The following LPAR1 variants were observed in gnomAD, a reference collection of about 807,000 sequenced individuals.
LPAR1 encodes LPA receptor 1.
LPAR1 carries 5 observed loss-of-function variants against 23.8 expected under a neutral mutation model. The observed-to-expected ratio is 0.21, with a 90% CI of 0.11 to 0.44. The LOEUF (loss-of-function observed/expected upper bound fraction) is 0.44. Ranked by LOEUF, LPAR1 falls within the 20% of genes least tolerant of loss-of-function variation. LPAR1 has a pLI of 0.99. For synonymous variants in LPAR1, 160 were observed against 164.7 expected (o/e 0.97, Z 0.22); for missense variants, 311 against 482.8 (o/e 0.64, Z 3.33).
intron 2 of LPAR1, among the ~76,000 whole-genome samples, chr9:110,982,562 A>C (rs1268407017): frequency 6.6e-6 from 1 of 152,110 alleles, no homozygotes; most frequent in Non-Finnish European, 1.5e-5. Flanking sequence ...CCAACATGGC[A>C]CATGTATACT....
intron 5 of LPAR1, among the ~76,000 whole-genome samples, chr9:110,890,838 GC>G (rs750594479): frequency 4.6e-5 from 7 of 152,128 alleles, no homozygotes; most frequent in Non-Finnish European, 1.0e-4. Context: ...CCAATGACTT[GC>G]CTGGTAAAAT....
intron 4 of LPAR1, among the ~76,000 whole-genome samples, chr9:110,949,759 T>C (rs975470762): frequency 1.3e-5 from 2 of 152,204 alleles, no homozygotes; most frequent in African/African-American, 4.8e-5. Context: ...AAATCAAATA[T>C]GTATCTTCAA....
At chr9:110,923,145 A>T (rs566128867) in intron 5 of LPAR1, among the ~76,000 whole-genome samples, 1 of 152,268 alleles carries the variant, frequency 6.6e-6, no homozygotes, top group African/African-American at 2.4e-5. Flanking sequence ...TGCTCAAGAC[A>T]TAATAAAGAT....
At chr9:111,027,963 G>A (rs1249592422) in intron 2 of LPAR1, among the ~76,000 whole-genome samples, 1 of 148,680 alleles carries the variant, frequency 6.7e-6, no homozygotes, top group Non-Finnish European at 1.5e-5. Flanking sequence ...TGTTTAATCA[G>A]TCACACACAC....
At chr9:111,015,334 C>T (rs1271596881) in intron 2 of LPAR1, among the ~76,000 whole-genome samples, 1 of 152,166 alleles carries the variant, frequency 6.6e-6, no homozygotes, top group Non-Finnish European at 1.5e-5. Flanking sequence ...CCCTCACCCA[C>T]CATATCTATT....
At chr9:110,948,635 G>A (rs1199655815) in intron 4 of LPAR1, among the ~76,000 whole-genome samples, 2 of 152,144 alleles carry the variant, frequency 1.3e-5, no homozygotes, top group African/African-American at 4.8e-5. Flanking sequence ...TCAGTCCTAA[G>A]AGGAAGGAAT....
intron 5 of LPAR1, among the ~76,000 whole-genome samples, chr9:110,939,396 A>G (rs532029028): frequency 2.0e-5 from 3 of 152,178 alleles, no homozygotes; most frequent in Non-Finnish European, 2.9e-5. Context: ...ACCTTCACCT[A>G]TCACCGTGAC....
intron 2 of LPAR1, among the ~76,000 whole-genome samples, chr9:111,004,226 CTTG>C (rs1453268278): frequency 6.6e-6 from 1 of 152,144 alleles, no homozygotes; most frequent in African/African-American, 2.4e-5. Context: ...TTGGCCACAT[CTTG>C]TTTTGCACTG....
chr9:111,026,049 T>C (rs1009191714), intron 2 of LPAR1, among the ~76,000 whole-genome samples: 13 of 152,216 alleles, frequency 8.5e-5, no homozygotes, highest in African/African-American at 2.7e-4. Flanking sequence ...AAGTAGTTTT[T>C]TCTAATTCTG....
chr9:110,897,512 A>G (rs2086848051), intron 5 of LPAR1, among the ~76,000 whole-genome samples: 1 of 152,196 alleles, frequency 6.6e-6, no homozygotes, highest in East Asian at 1.9e-4. Flanking sequence ...CCCCCTTAGC[A>G]TGCTGGAAAA....
chr9:110,923,642 A>C (rs1361837669), intron 5 of LPAR1, among the ~76,000 whole-genome samples: 1 of 152,256 alleles, frequency 6.6e-6, no homozygotes, highest in Admixed American at 6.5e-5. Flanking sequence ...CCGCTAAGTC[A>C]GGAAACATTT....
intron 2 of LPAR1, among the ~76,000 whole-genome samples, chr9:110,995,111 G>A (rs1033082604): frequency 1.3e-5 from 2 of 152,142 alleles, no homozygotes; most frequent in African/African-American, 4.8e-5. Context: ...CATGAGAAAT[G>A]TGACGAGGTA....
chr9:110,941,283 G>A lies in LPAR1; in HGVS notation c.793+138C>T, dbSNP rs192865827. 1 of 746,772 alleles carries A rather than the reference G, an allele frequency of 1.3e-6. No homozygotes were observed. Among genetic ancestry groups the A allele is most frequent in the Non-Finnish European group, 2.2e-6 (1 of 455,268 alleles). 46.3% of individuals were successfully genotyped at this position (746,772 alleles called of 1,614,324 possible). A position where few individuals can be genotyped will look rare whatever the true frequency, so the allele number is the denominator to read the frequency against. ...CTCATAAGCTGACATTTAATATAAA[G>A]GTGCCTCATCCCCTTGTAATTCCTG... On this transcript the variant is annotated intron_variant, in intron 5 of 5. Transcript: ENST00000683809. The surrounding 1 kb of genome is among the most constrained non-coding windows in gnomAD (Gnocchi z 6.1).
intron 2 of LPAR1, among the ~76,000 whole-genome samples, chr9:110,993,847 T>C (rs889547090): frequency 3.9e-5 from 6 of 152,142 alleles, no homozygotes; most frequent in African/African-American, 1.2e-4. Flanking sequence ...CTTAAAAGAA[T>C]TATGCAGACA....
chr9:110,946,851 G>T (rs570027188), intron 4 of LPAR1, among the ~76,000 whole-genome samples: 41 of 152,142 alleles, frequency 2.7e-4, no homozygotes, highest in Non-Finnish European at 5.0e-4. Flanking sequence ...ATAATAATCT[G>T]GGATTAAAAT....
intron 5 of LPAR1, among the ~76,000 whole-genome samples, chr9:110,910,033 G>A (rs10817109): frequency 0.16 from 24,818 of 152,066 alleles, 2,590 homozygotes; most frequent in Admixed American, 0.24. Flanking sequence ...ATAGGCATGA[G>A]CCACCACATC....
Position 110,897,102 on chromosome 9 carries a change from T to C in LPAR1, c.794-21380A>G, listed in dbSNP as rs11790011. ...GAACTCTTTAATCAGACAGAGAATT[T>C]TATTTTCCTGAATCCTGCCTTCCTA... On this transcript the variant is annotated intron_variant, in intron 5 of 5. Transcript: ENST00000683809. Among the ~76,000 whole-genome samples, 1,188 of 152,264 alleles carry C rather than the reference T, an allele frequency of 7.8e-3. 8 individuals carry two copies. Among genetic ancestry groups the C allele is most frequent in the Non-Finnish European group, 0.011 (753 of 68,002 alleles).
chr9:110,933,827 A>G (rs2094534975), intron 5 of LPAR1, among the ~76,000 whole-genome samples: 2 of 152,216 alleles, frequency 1.3e-5, no homozygotes, highest in Admixed American at 1.3e-4. Flanking sequence ...CCACACTTCA[A>G]AAGGAACTCT....
At chr9:110,991,716 C>T (rs1356050402) in intron 2 of LPAR1, among the ~76,000 whole-genome samples, 2 of 152,092 alleles carry the variant, frequency 1.3e-5, no homozygotes, top group African/African-American at 4.8e-5. Flanking sequence ...TCGAGCAATT[C>T]TCCTGCCTCA....
Sources: gnomAD v4.1 joint callset for allele counts (sites outside exome capture counted in the v4.1 genomes callset) on GRCh38, gnomAD v4.1.1 for gene constraint, Gnocchi (gnomAD v3.1) non-coding constraint, MANE v1.5 for transcripts, NCBI Gene and HGNC (gene_info 2026-07-23, HGNC 2026-07-21) for gene names.